Variants in NRG1 observed in about 807,000 individuals in gnomAD.
NRG1 encodes pro-neuregulin-1, membrane-bound isoform.
In NRG1, 18 loss-of-function variants were observed where a neutral mutation model predicts 63.8. The ratio of observed to expected loss-of-function variants is 0.28; its 90% CI spans 0.19 to 0.42. The LOEUF (loss-of-function observed/expected upper bound fraction) is 0.42. NRG1 is among the 10% of genes least tolerant of loss of function. The probability of loss-of-function intolerance (pLI) is 1.00; values close to 1 mark genes in which losing one functional copy is unlikely to be tolerated. For synonymous variants in NRG1, 302 were observed against 301.3 expected, an observed-to-expected ratio of 1.00 and a Z score of -0.02; for missense variants, 762 against 814.7, an observed-to-expected ratio of 0.94 and a Z score of 0.79.
chr8:31,994,808 A>T (rs1200503185), intron 1 of NRG1, among the ~76,000 whole-genome samples: 1 of 151,950 alleles, frequency 6.6e-6, no homozygotes, highest in Non-Finnish European at 1.5e-5. Context: ...GGGTAAAAAA[A>T]ATGTAAACTA....
intron 1 of NRG1, among the ~76,000 whole-genome samples, chr8:31,676,315 G>C (rs895010507): frequency 6.6e-6 from 1 of 152,124 alleles, no homozygotes; most frequent in East Asian, 1.9e-4. Context: ...GGTCCCCAAA[G>C]ACCCAACAAT....
At chr8:32,522,697 T>C (rs903158482) in intron 1 of NRG1, among the ~76,000 whole-genome samples, 2 of 152,240 alleles carry the variant, frequency 1.3e-5, no homozygotes, top group African/African-American at 2.4e-5. Context: ...TTCTTTCCTT[T>C]AGGCTTAAAA....
chr8:31,996,822 G>A (rs1303472848), intron 1 of NRG1, among the ~76,000 whole-genome samples: 1 of 151,928 alleles, frequency 6.6e-6, no homozygotes, highest in Non-Finnish European at 1.5e-5. Flanking sequence ...TTGATTTGTT[G>A]AGTAAGGTAT....
chr8:32,659,020 G>C (rs1353454294), intron 5 of NRG1, among the ~76,000 whole-genome samples: 1 of 152,148 alleles, frequency 6.6e-6, no homozygotes, highest in Non-Finnish European at 1.5e-5. Context: ...ACTTGGTTCT[G>C]ATGGTCCTTG....
At chr8:32,525,026 C>T (rs1474345644) in intron 1 of NRG1, among the ~76,000 whole-genome samples, 1 of 152,178 alleles carries the variant, frequency 6.6e-6, no homozygotes, top group Non-Finnish European at 1.5e-5. Flanking sequence ...CCCTCCAGAG[C>T]TATGCCGATT....
chr8:32,332,216 A>C (rs1306133148), intron 1 of NRG1, among the ~76,000 whole-genome samples: 2 of 152,206 alleles, frequency 1.3e-5, no homozygotes, highest in African/African-American at 2.4e-5. Flanking sequence ...CACACTTTAG[A>C]TATGATCAAT....
chr8:32,215,672 A>G (rs184821811), intron 1 of NRG1, among the ~76,000 whole-genome samples: 53 of 152,310 alleles, frequency 3.5e-4, no homozygotes, highest in African/African-American at 1.3e-3. Context: ...TTAGCTCATC[A>G]AAGGTTCTAA....
At chr8:31,743,294 C>T (rs889229043) in intron 1 of NRG1, among the ~76,000 whole-genome samples, 4 of 151,922 alleles carry the variant, frequency 2.6e-5, no homozygotes, top group Non-Finnish European at 4.4e-5. Context: ...TAGCAGTTCT[C>T]CTTGGCTCTT....
At chr8:31,813,516 C>CTTTTCTTTTCT in intron 1 of NRG1, among the ~76,000 whole-genome samples, 5,179 of 101,206 alleles carry the variant, frequency 0.051, 209 homozygotes, top group East Asian at 0.17. Context: ...CTTTTCTTTT[C>CTTTTCTTTTCT]TTTTTTTTTT....
At chr8:31,648,900 G>T (rs1240912380) in intron 1 of NRG1, among the ~76,000 whole-genome samples, 1 of 151,640 alleles carries the variant, frequency 6.6e-6, no homozygotes, top group East Asian at 1.9e-4. Flanking sequence ...CAATTTTTTG[G>T]GTATATACAC....
At chr8:32,447,173 C>A (rs967342503) in intron 1 of NRG1, among the ~76,000 whole-genome samples, 2 of 151,680 alleles carry the variant, frequency 1.3e-5, no homozygotes, top group African/African-American at 4.9e-5. Flanking sequence ...GCGCCCACCA[C>A]CACACCCGGC....
chr8:32,021,750 T>A (rs1462883328), intron 1 of NRG1, among the ~76,000 whole-genome samples: 2 of 152,212 alleles, frequency 1.3e-5, no homozygotes, highest in African/African-American at 4.8e-5. Flanking sequence ...CAAATTATTT[T>A]TACCTGGCTG....
chr8:31,715,008 A>G (rs939372014), intron 1 of NRG1, among the ~76,000 whole-genome samples: 2 of 152,286 alleles, frequency 1.3e-5, no homozygotes, highest in East Asian at 1.9e-4. Context: ...CTTTCAAAGA[A>G]TATTTTTATG....
chr8:31,795,521 A>G (rs957167056), intron 1 of NRG1, among the ~76,000 whole-genome samples: 6 of 152,006 alleles, frequency 3.9e-5, no homozygotes, highest in African/African-American at 9.7e-5. Flanking sequence ...TTCTCCCTAT[A>G]TTGTCCTGTA....
intron 1 of NRG1, among the ~76,000 whole-genome samples, chr8:32,519,667 C>T (rs1004093690): frequency 2.6e-5 from 4 of 152,048 alleles, no homozygotes; most frequent in Admixed American, 6.6e-5. Flanking sequence ...TGCTCTGGTG[C>T]TATGAAGGTC....
At position 32,080,296 on chromosome 8, in the gene NRG1, C is replaced by A. The variant is rs188024721; in HGVS notation, c.37+440865C>A. ...TGCAAGGTGTAAGAACATGTCCTGG[C>A]AGTTGAAGGAAAGGCTAAGGAAAAA... On this transcript the variant is annotated intron_variant, in intron 1 of 10. Coordinates refer to the NRG1 transcript ENST00000519301. Among the ~76,000 whole-genome samples the A allele has an allele frequency of 9.9e-5, 15 of 152,236 alleles. No individual in the cohort carries two copies. In the East Asian group the frequency reaches 2.9e-3, roughly 29 times the overall value.
chr8:31,796,512 A>C (rs1338340071), intron 1 of NRG1, among the ~76,000 whole-genome samples: 2 of 128,396 alleles, frequency 1.6e-5, no homozygotes, highest in Non-Finnish European at 3.1e-5. Context: ...AGCTCACTGC[A>C]AGCTCCGCCT....
intron 1 of NRG1, among the ~76,000 whole-genome samples, chr8:32,207,245 A>G (rs1315761454): frequency 1.3e-5 from 2 of 152,030 alleles, no homozygotes; most frequent in African/African-American, 2.4e-5. Flanking sequence ...ATGCAATACT[A>G]TTATCTTTTT....
At chr8:31,670,572 T>G (rs889821823) in intron 1 of NRG1, among the ~76,000 whole-genome samples, 1 of 94,514 alleles carries the variant, frequency 1.1e-5, no homozygotes, top group Non-Finnish European at 2.6e-5. Flanking sequence ...ATTCTCTTTG[T>G]TTTTTTTTTT....
Sources: allele counts gnomAD v4.1 joint callset (sites outside exome capture counted in the v4.1 genomes callset), GRCh38; gene constraint gnomAD v4.1.1; transcripts MANE v1.5; gene names NCBI Gene and HGNC (gene_info 2026-07-23, HGNC 2026-07-21).